The following OMA1 variants were observed in gnomAD, a reference collection of about 807,000 sequenced individuals.
The protein encoded by OMA1 is OMA1 zinc metallopeptidase, also known as metalloendopeptidase OMA1, mitochondrial.
OMA1 carries 38 observed loss-of-function variants against 30.9 expected under a neutral mutation model. That is an observed-to-expected ratio of 1.23 (90% CI 0.95 to 1.61). The LOEUF (loss-of-function observed/expected upper bound fraction) is 1.61. Among genes scored for constraint, OMA1 ranks in the 40% most tolerant of loss-of-function variants. The pLI, the probability that OMA1 is intolerant of heterozygous loss-of-function variation, is 0.00. For synonymous variants in OMA1, 173 were observed against 121.9 expected (o/e 1.42, Z -2.76); for missense variants, 461 against 349.2 (o/e 1.32, Z -2.55).
chr1:58,518,102 CT>C (rs1365246776), intron 7 of OMA1, among the ~76,000 whole-genome samples: 2 of 150,364 alleles, frequency 1.3e-5, no homozygotes, highest in Non-Finnish European at 3.0e-5. Context: ...AGGAGAATCG[CT>C]TGAACACAGG....
intron 7 of OMA1, among the ~76,000 whole-genome samples, chr1:58,526,874 C>T (rs903828014): frequency 3.9e-5 from 6 of 151,940 alleles, no homozygotes; most frequent in African/African-American, 1.4e-4. Context: ...TGTTAAAAGG[C>T]CAGAGGGGAT....
intron 7 of OMA1, among the ~76,000 whole-genome samples, chr1:58,523,625 C>T (rs1038043408): frequency 3.3e-5 from 5 of 152,056 alleles, no homozygotes; most frequent in Admixed American, 6.5e-5. Context: ...CCTGGCCGGG[C>T]GCAGTGGCTC....
Position 58,491,257 on chromosome 1 carries a change from G to A in OMA1, c.1366-10083C>T, listed in dbSNP as rs550631304. On this transcript the variant is annotated intron_variant, in intron 8 of 8. Transcript: ENST00000371226. ...CCAGGCCTGCCCTACAAGAGCTCCT[G>A]AAGGAAGCACTAAACATGGAAAGGA... 3.9e-5 allele frequency among the ~76,000 whole-genome samples: 6 copies of A among 152,268 alleles called. No individual in the cohort carries two copies. The South Asian group carries it at 1.2e-3, about 32-fold the overall frequency.
intron 8 of OMA1, among the ~76,000 whole-genome samples, chr1:58,493,073 C>T (rs1051928575): frequency 3.3e-5 from 5 of 152,180 alleles, no homozygotes; most frequent in Non-Finnish European, 5.9e-5. Flanking sequence ...CCACCATGAT[C>T]AAGTGGGCTT....
chr1:58,495,157 A>T (rs2100389621), intron 8 of OMA1, among the ~76,000 whole-genome samples: 1 of 152,314 alleles, frequency 6.6e-6, no homozygotes, highest in Non-Finnish European at 1.5e-5. Flanking sequence ...TTCTCAGCAA[A>T]CTATTGCAAG....
At chr1:58,539,665 G>A (rs972721083) in intron 1 of OMA1, among the ~76,000 whole-genome samples, 3 of 152,178 alleles carry the variant, frequency 2.0e-5, no homozygotes, top group Non-Finnish European at 4.4e-5. Context: ...TAACTGGAAG[G>A]AAGCATGTGA....
intron 8 of OMA1, among the ~76,000 whole-genome samples, chr1:58,501,299 AG>A (rs1242247559): frequency 1.3e-5 from 2 of 152,232 alleles, no homozygotes; most frequent in Admixed American, 6.5e-5. Context: ...AAAGCAAGAA[AG>A]GAACTCATCT....
At chr1:58,538,335 G>A (rs1646550139) in intron 2 of OMA1, among the ~76,000 whole-genome samples, 1 of 152,174 alleles carries the variant, frequency 6.6e-6, no homozygotes, top group African/African-American at 2.4e-5. Flanking sequence ...AACTAGGAGT[G>A]AGCCCACCCT....
intron 8 of OMA1, among the ~76,000 whole-genome samples, chr1:58,504,457 C>G (rs1422294800): frequency 6.6e-6 from 1 of 152,170 alleles, no homozygotes; most frequent in Non-Finnish European, 1.5e-5. Context: ...GACAACCGAA[C>G]ATAGACTAGT....
chr1:58,495,983 G>A (rs1275977291), intron 8 of OMA1, among the ~76,000 whole-genome samples: 1 of 151,774 alleles, frequency 6.6e-6, no homozygotes, highest in East Asian at 1.9e-4. Flanking sequence ...GTCATTTCAG[G>A]GCTTCCCATG....
chr1:58,535,571 G>A (rs1366430757), intron 3 of OMA1, among the ~76,000 whole-genome samples: 2 of 146,096 alleles, frequency 1.4e-5, no homozygotes, highest in Non-Finnish European at 3.0e-5. Flanking sequence ...AGTACAGCCT[G>A]GGTGACAGAG....
intron 2 of OMA1, 25 bp downstream of exon 2, chr1:58,538,770 T>C (rs755224619): frequency 1.4e-6 from 1 of 728,386 alleles, no homozygotes; most frequent in Admixed American, 2.6e-5. Flanking sequence ...AATATAAAAG[T>C]TTTTATTCTA....
intron 7 of OMA1, among the ~76,000 whole-genome samples, chr1:58,515,969 G>A (rs904801664): frequency 2.6e-5 from 4 of 152,104 alleles, no homozygotes. Flanking sequence ...AATAGATTTT[G>A]CTTATTACCT....
Position 58,480,866 on chromosome 1 carries a change from CCT to C in OMA1, c.*97_*98del. The C allele has an allele frequency of 4.4e-6, 3 of 678,646 alleles. No homozygotes were observed. The highest frequency in any genetic ancestry group is 7.4e-6 in the Non-Finnish European group (3 of 407,376). 42.0% of individuals were successfully genotyped at this position (678,646 alleles called of 1,614,324 possible). ...ATGTACATGATTTGACCCTGAATAT[CCT>C]TTTTTTTTTCACTTCAAACATCATT... On this transcript the variant is annotated 3_prime_UTR_variant, in exon 9 of 9. Transcript: ENST00000371226.
chr1:58,506,451 C>T (rs1372534769), intron 7 of OMA1, among the ~76,000 whole-genome samples: 1 of 152,148 alleles, frequency 6.6e-6, no homozygotes, highest in East Asian at 1.9e-4. Flanking sequence ...GCTTTAAAGT[C>T]ATTTTCTATC....
chr1:58,530,746 T>C lies in OMA1; in HGVS notation c.1012-17A>G, dbSNP rs1646422307. 1.2e-6 allele frequency: 1 copy of C among 868,838 alleles called. No homozygotes were observed. Among genetic ancestry groups the C allele is most frequent in the African/African-American group, 1.6e-5 (1 of 61,028 alleles). 53.8% of individuals were successfully genotyped at this position (868,838 alleles called of 1,614,324 possible). ...CTTTTCTGCCTAAGAATAATCAAAA[T>C]AATAAAAACTACATTTTATACATTG... On this transcript the variant is annotated splice_polypyrimidine_tract_variant and intron_variant, in intron 5 of 8. Coordinates refer to ENST00000371226, the MANE Select transcript of OMA1 (RefSeq NM_145243.5).
chr1:58,501,032 C>T (rs945775039), intron 8 of OMA1, among the ~76,000 whole-genome samples: 3 of 152,162 alleles, frequency 2.0e-5, no homozygotes, highest in Non-Finnish European at 4.4e-5. Flanking sequence ...ATCTGCTCTT[C>T]ATTTTTTCAC....
chr1:58,513,668 G>T (rs1290407939), intron 7 of OMA1, among the ~76,000 whole-genome samples: 1 of 152,026 alleles, frequency 6.6e-6, no homozygotes, highest in African/African-American at 2.4e-5. Flanking sequence ...GAAATATCTG[G>T]GTTCAAAATA....
In OMA1 at chr1:58,518,349, A is replaced by G. The variant is rs144986778; in HGVS notation, c.1215+8912T>C. On this transcript the variant is annotated intron_variant, in intron 7 of 8. Transcript: ENST00000371226. ...AGAAGAGAAGAGAAGAGAAGAGAAG[A>G]GAAGGGAAGGGAAGAGAAGAGAAGG... Among the ~76,000 whole-genome samples, 291 of 59,702 alleles carry G rather than the reference A, an allele frequency of 4.9e-3. 27 individuals carry two copies. The highest frequency in any genetic ancestry group is 0.015 in the African/African-American group (237 of 15,392). The allele number at this position is 59,702 out of a possible 152,430, so 39.2% of individuals were successfully genotyped here.
Sources: allele counts gnomAD v4.1 joint callset (sites outside exome capture counted in the v4.1 genomes callset), GRCh38; gene constraint gnomAD v4.1.1; transcripts MANE v1.5; gene names NCBI Gene and HGNC (gene_info 2026-07-23, HGNC 2026-07-21).